MOK: variants seen among roughly 807,000 people sequenced by gnomAD.
MOK encodes the protein MOK protein kinase.
Under a neutral mutation model 54.2 loss-of-function variants are expected in MOK, and 59 were observed. The ratio of observed to expected loss-of-function variants is 1.09; its 90% CI spans 0.88 to 1.35. MOK has a LOEUF of 1.35. Ranked by LOEUF, MOK falls within the 40% of genes most tolerant of loss-of-function variation. The pLI is 0.00. For missense variants in MOK, 517 were observed against 526.2 expected (o/e 0.98, Z 0.17); for synonymous variants, 210 against 202.7 (o/e 1.04, Z -0.31).
chr14:102,294,197 A>C (rs1298558656), intron 1 of MOK, among the ~76,000 whole-genome samples: 2 of 151,390 alleles, frequency 1.3e-5, no homozygotes, highest in African/African-American at 4.9e-5. Flanking sequence ...CTGTAATCCC[A>C]GCACTTTGGG....
intron 2 of MOK, among the ~76,000 whole-genome samples, chr14:102,272,365 G>A (rs2068446237): frequency 6.6e-6 from 1 of 152,010 alleles, no homozygotes; most frequent in South Asian, 2.1e-4. Flanking sequence ...GCACGCGCCT[G>A]TAATCCCAGC....
chr14:102,251,907 G>GA lies in MOK; in HGVS notation c.362+9dup, dbSNP rs2066558596. 1 of 1,585,936 alleles carries GA rather than the reference G, an allele frequency of 6.3e-7. No individual in the cohort carries two copies. The highest frequency in any genetic ancestry group is 1.4e-5 in the African/African-American group (1 of 73,940). ...TTAATTTCAGAGCTGTCAAATCTCC[G>GA]AGAGCATACCTGTGAATATGATCCA... On this transcript the variant is annotated intron_variant, in intron 5 of 11. Coordinates refer to ENST00000361847, the MANE Select transcript of MOK (RefSeq NM_014226.3).
Position 102,283,403 on chromosome 14 carries a change from C to A in MOK, c.122+75G>T, listed in dbSNP as rs995957934. Reference sequence around the variant, plus strand: ...CATATTATTAAATTAATAAAGCTCCCCCCTAATATTAAGTTGCCGTTATTG... The same window carrying A: ...CATATTATTAAATTAATAAAGCTCCACCCTAATATTAAGTTGCCGTTATTG... On this transcript the variant is annotated intron_variant, in intron 2 of 11. Coordinates refer to ENST00000361847, the MANE Select transcript of MOK (RefSeq NM_014226.3). The A allele has an allele frequency of 3.5e-6, 3 of 865,276 alleles. No homozygotes were observed. In the East Asian group the frequency reaches 7.6e-5, roughly 22 times the overall value. 53.6% of individuals were successfully genotyped at this position (865,276 alleles called of 1,614,324 possible). A position where few individuals can be genotyped will look rare whatever the true frequency, so the allele number is the denominator to read the frequency against.
At chr14:102,220,486 G>A (rs1046622846), downstream of MOK, among the ~76,000 whole-genome samples, 1 of 152,184 alleles carries the variant, frequency 6.6e-6, no homozygotes, top group African/African-American at 2.4e-5. The surrounding 1 kb of genome is among the most constrained non-coding windows in gnomAD (Gnocchi z 4.2). Context: ...CACTTTGGGA[G>A]GCCAAGGCAG....
At position 102,236,825 on chromosome 14, in the gene MOK, C is replaced by T. The variant is rs930307364; in HGVS notation, c.591-3036G>A. Among the ~76,000 whole-genome samples the T allele has an allele frequency of 2.0e-5, 3 of 152,290 alleles. No individual in the cohort carries two copies. The highest frequency in any genetic ancestry group is 4.8e-5 in the African/African-American group (2 of 41,556). On this transcript the variant is annotated intron_variant, in intron 7 of 11. Transcript: ENST00000361847. The surrounding 1 kb of genome is among the most constrained non-coding windows in gnomAD (Gnocchi z 4.5). ...GCCCATCACAAACAAGCTCTGTTCA[C>T]GCCGTCTTCTTAGGCCAACACGTTC... is the stretch of plus-strand genomic sequence containing the variant.
Position 102,286,326 on chromosome 14 carries a change from G to A in MOK, c.8-2734C>T, listed in dbSNP as rs894913453. Reference sequence around the variant, plus strand: ...AAAAAAAAAAAAAAAAAAAAAAAAAGATGTGCATCCTCCGGCCGGGCGCAG... The same window carrying A: ...AAAAAAAAAAAAAAAAAAAAAAAAAAATGTGCATCCTCCGGCCGGGCGCAG... On this transcript the variant is annotated intron_variant, in intron 1 of 11. Transcript: ENST00000361847. Among the ~76,000 whole-genome samples, 409 of 102,810 alleles carry A rather than the reference G, an allele frequency of 4.0e-3. 5 individuals are homozygous for A. The highest frequency in any genetic ancestry group is 0.015 in the African/African-American group (363 of 25,016). 67.4% of individuals were successfully genotyped at this position (102,810 alleles called of 152,430 possible). A position where few individuals can be genotyped will look rare whatever the true frequency, so the allele number is the denominator to read the frequency against.
rs1002626387 is a variant in MOK, at chr14:102,249,600, T to C, written c.590+1212A>G. Among the ~76,000 whole-genome samples the C allele has an allele frequency of 1.3e-5, 2 of 152,096 alleles. No individual in the cohort carries two copies. The highest frequency in any genetic ancestry group is 1.9e-4 in the East Asian group (1 of 5,190). ...GGTGCATGCCTGTAATCCCAGCTAC[T>C]TGGGGGGCTGAGGCAGGAGAATCGC... On this transcript the variant is annotated intron_variant, in intron 7 of 11. Coordinates refer to ENST00000361847, the MANE Select transcript of MOK (RefSeq NM_014226.3). This position sits in a 1 kb window ranked among gnomAD's most constrained non-coding sequence, Gnocchi z 5.3.
downstream of MOK, chr14:102,222,830 G>A: frequency 6.2e-7 from 1 of 1,614,148 alleles, no homozygotes; most frequent in Non-Finnish European, 8.5e-7. This position sits in a 1 kb window ranked among gnomAD's most constrained non-coding sequence, Gnocchi z 4.4. Context: ...TTGTTTGCAG[G>A]GCTCATTGTC....
rs1398465578 is a variant in MOK, at chr14:102,245,633, T to G, written c.590+5179A>C. ...AATTTTCCACTACCTACCCAAATCC[T>G]CTACAACGGCCCCACCCCTATCTCC... On this transcript the variant is annotated intron_variant, in intron 7 of 11. Coordinates refer to ENST00000361847, the MANE Select transcript of MOK (RefSeq NM_014226.3). This position sits in a 1 kb window ranked among gnomAD's most constrained non-coding sequence, Gnocchi z 4.3. Among the ~76,000 whole-genome samples the G allele has an allele frequency of 1.3e-5, 2 of 151,722 alleles. No homozygotes were observed. The highest frequency in any genetic ancestry group is 1.3e-4 in the Admixed American group (2 of 15,250).
In MOK at chr14:102,263,274, C is replaced by G. The variant is rs112136306; in HGVS notation, c.283+272G>C. Among the ~76,000 whole-genome samples the G allele has an allele frequency of 2.7e-3, 409 of 152,240 alleles. 4 individuals carry two copies. Among genetic ancestry groups the G allele is most frequent in the Non-Finnish European group, 4.2e-3 (283 of 67,940 alleles). ...CACGGCGGGGCTGGCTGCAGGCGCTCTGCAGCAGAGCTGCCCCTGCTGCCT... is the reference window on the plus strand; with the variant it reads ...CACGGCGGGGCTGGCTGCAGGCGCTGTGCAGCAGAGCTGCCCCTGCTGCCT... On this transcript the variant is annotated intron_variant, in intron 4 of 11. Transcript: ENST00000361847.
intron 1 of MOK, among the ~76,000 whole-genome samples, chr14:102,299,739 C>T (rs1267325544): frequency 6.6e-6 from 1 of 152,014 alleles, no homozygotes; most frequent in Non-Finnish European, 1.5e-5. Flanking sequence ...GCATGCACTG[C>T]CATGCTTGGC....
chr14:102,246,914 C>T (rs553692506), intron 7 of MOK, among the ~76,000 whole-genome samples: 1 of 151,868 alleles, frequency 6.6e-6, no homozygotes, highest in African/African-American at 2.4e-5. Flanking sequence ...AAACCCTCCA[C>T]CGAACAGACT....
chr14:102,295,746 A>T (rs2071352895), intron 1 of MOK, among the ~76,000 whole-genome samples: 1 of 152,252 alleles, frequency 6.6e-6, no homozygotes, highest in African/African-American at 2.4e-5. Context: ...AGAAAAGAAC[A>T]CAAAACTATT....
downstream of MOK, among the ~76,000 whole-genome samples, chr14:102,228,543 CAA>C (rs1014264581): frequency 6.6e-6 from 1 of 151,770 alleles, no homozygotes. Context: ...ACTAAAAATA[CAA>C]AAAAATCAGC....
rs148078417 is a variant in MOK, at chr14:102,289,994, A to ACATC, written c.8-6406_8-6403dup. Among the ~76,000 whole-genome samples, 859 of 152,284 alleles carry ACATC rather than the reference A, an allele frequency of 5.6e-3. 17 individuals are homozygous for ACATC. The highest frequency in any genetic ancestry group is 0.035 in the East Asian group (179 of 5,184). On this transcript the variant is annotated intron_variant, in intron 1 of 11. Coordinates refer to ENST00000361847, the MANE Select transcript of MOK (RefSeq NM_014226.3). ...TCTTTTTCTCCATGGTTAGAACGAG[A>ACATC]CATCCTCTTCTGGTTTCTCAAAACA...
At chr14:102,217,823 C>T in the MOK span, among the ~76,000 whole-genome samples, 1 of 152,234 alleles carries the variant, frequency 6.6e-6, no homozygotes, top group Admixed American at 6.5e-5. Context: ...GCAGGCTAGC[C>T]TGGTCATAGT....
At chr14:102,225,262 T>C (rs555081940), downstream of MOK, 1 of 172,992 alleles carries the variant, frequency 5.8e-6, no homozygotes, top group African/African-American at 2.4e-5. Flanking sequence ...GGTCTCCTTA[T>C]GTTGCCTAGG....
intron 4 of MOK, among the ~76,000 whole-genome samples, chr14:102,252,198 C>T (rs1326049557): frequency 6.6e-6 from 1 of 152,166 alleles, no homozygotes; most frequent in Non-Finnish European, 1.5e-5. Context: ...GGGGCGGTGG[C>T]TCACACCTGT....
downstream of MOK, chr14:102,226,495 TG>T: frequency 1.4e-6 from 1 of 699,662 alleles, no homozygotes; most frequent in Non-Finnish European, 2.6e-6. The surrounding 1 kb of genome is among the most constrained non-coding windows in gnomAD (Gnocchi z 4.8). Flanking sequence ...CTTTCCAGTT[TG>T]GGGTGGCAGA....
Sources: allele counts gnomAD v4.1 joint callset (sites outside exome capture counted in the v4.1 genomes callset), GRCh38; gene constraint gnomAD v4.1.1; non-coding constraint Gnocchi (gnomAD v3.1); transcripts MANE v1.5; gene names NCBI Gene and HGNC (gene_info 2026-07-23, HGNC 2026-07-21).